The following VPS37A variants were observed in gnomAD, a reference collection of about 807,000 sequenced individuals.
The protein encoded by VPS37A is VPS37A subunit of ESCRT-I.
VPS37A carries 30 observed loss-of-function variants against 49.8 expected under a neutral mutation model. That is an observed-to-expected ratio of 0.60 (90% CI 0.45 to 0.82). VPS37A has a LOEUF of 0.82. Ranked by LOEUF, VPS37A falls within the 40% of genes least tolerant of loss-of-function variation. The pLI is 0.00. For synonymous variants in VPS37A, 195 were observed against 160.6 expected (o/e 1.21, Z -1.62); for missense variants, 593 against 464.4 (o/e 1.28, Z -2.55).
intron 10 of VPS37A, among the ~76,000 whole-genome samples, chr8:17,284,928 T>C (rs1815443621): frequency 6.6e-6 from 1 of 152,088 alleles, no homozygotes; most frequent in African/African-American, 2.4e-5. Flanking sequence ...ACTTGAGATA[T>C]AAATGAGAGT....
downstream of VPS37A, chr8:17,300,356 G>T: frequency 9.9e-7 from 1 of 1,014,288 alleles, no homozygotes; most frequent in South Asian, 1.8e-5. Flanking sequence ...AGGGATGTGA[G>T]TTCAAACCTG....
chr8:17,321,666 T>C, the VPS37A span, among the ~76,000 whole-genome samples: 7 of 152,238 alleles, frequency 4.6e-5, no homozygotes, highest in African/African-American at 7.2e-5. Flanking sequence ...ATTTGTTCAC[T>C]CTTGTTGCCA....
At chr8:17,320,541 T>C in the VPS37A span, among the ~76,000 whole-genome samples, 1 of 151,908 alleles carries the variant, frequency 6.6e-6, no homozygotes, top group African/African-American at 2.4e-5. Context: ...AAGCTGATGA[T>C]CTAGAAGCCA....
At position 17,296,135 on chromosome 8, in the gene VPS37A, TTGTC is replaced by T. The variant is rs1308003047; in HGVS notation, c.*1155_*1158del. On this transcript the variant is annotated 3_prime_UTR_variant, in exon 12 of 12. Transcript: ENST00000324849. ...TCCCAACACCAGCATATAGTATAGA[TTGTC>T]TGTCTTTTTTATATTTTTTAGTTCT... 5 of 152,330 alleles carry T rather than the reference TTGTC, an allele frequency of 3.3e-5. No individual in the cohort carries two copies. The East Asian group carries it at 7.7e-4, about 24-fold the overall frequency. The allele number at this position is 152,330 out of a possible 1,614,324, so 9.4% of individuals were successfully genotyped here. A position where few individuals can be genotyped will look rare whatever the true frequency, so the allele number is the denominator to read the frequency against.
At chr8:17,254,911 A>C (rs560765479) in intron 1 of VPS37A, among the ~76,000 whole-genome samples, 19 of 152,154 alleles carry the variant, frequency 1.2e-4, no homozygotes, top group Non-Finnish European at 2.5e-4. Flanking sequence ...TTCTCCATCT[A>C]TTCTAAGCAC....
chr8:17,300,017 G>A (rs773786079), downstream of VPS37A: 2 of 1,614,154 alleles, frequency 1.2e-6, no homozygotes, highest in Admixed American at 1.7e-5. Flanking sequence ...GAACTTTTCA[G>A]ATTGTCTTGG....
At chr8:17,255,587 G>C (rs1194604784) in intron 1 of VPS37A, among the ~76,000 whole-genome samples, 1 of 152,186 alleles carries the variant, frequency 6.6e-6, no homozygotes, top group Non-Finnish European at 1.5e-5. Flanking sequence ...TTCAGAAATA[G>C]TGCCTCTGTT....
At chr8:17,311,706 C>T in the VPS37A span, 1 of 1,604,672 alleles carries the variant, frequency 6.2e-7, no homozygotes, top group African/African-American at 1.3e-5. Flanking sequence ...TCATCACAGC[C>T]AGGTTTGACT....
chr8:17,284,697 G>C, intron 10 of VPS37A, 81 bp downstream of exon 10: 1 of 1,443,774 alleles, frequency 6.9e-7, no homozygotes, highest in Admixed American at 2.6e-5. Flanking sequence ...CTGGGTGTTA[G>C]CTATTTCTCT....
intron 11 of VPS37A, among the ~76,000 whole-genome samples, chr8:17,293,182 C>T (rs971539727): frequency 8.6e-5 from 13 of 151,766 alleles, no homozygotes; most frequent in South Asian, 2.1e-4. Context: ...CTTGTCTTCA[C>T]GCTTTTTTTC....
At chr8:17,324,049 A>G in the VPS37A span, among the ~76,000 whole-genome samples, 2 of 152,200 alleles carry the variant, frequency 1.3e-5, no homozygotes, top group Non-Finnish European at 2.9e-5. Context: ...TGATAATGTC[A>G]AACGCTTTGG....
At chr8:17,328,307 C>T in the VPS37A span, among the ~76,000 whole-genome samples, 28 of 152,292 alleles carry the variant, frequency 1.8e-4, no homozygotes, top group African/African-American at 6.7e-4. Flanking sequence ...CCTTCCTCTT[C>T]ACCACTTCCT....
At chr8:17,330,585 T>C in the VPS37A span, among the ~76,000 whole-genome samples, 5 of 152,224 alleles carry the variant, frequency 3.3e-5, no homozygotes, top group African/African-American at 1.2e-4. Flanking sequence ...TCCATCTCTT[T>C]AATTTCCTGT....
At chr8:17,304,624 C>T (rs1431872823), downstream of VPS37A, 2 of 1,227,170 alleles carry the variant, frequency 1.6e-6, no homozygotes, top group South Asian at 1.4e-5. Flanking sequence ...TACCTGAAAA[C>T]CACGTGTCTG....
chr8:17,291,212 C>A (rs1047702505), intron 11 of VPS37A, among the ~76,000 whole-genome samples: 13 of 152,076 alleles, frequency 8.5e-5, no homozygotes, highest in African/African-American at 3.1e-4. Flanking sequence ...GGGGTTTCAC[C>A]ATGTTGGCCA....
At chr8:17,262,706 A>C (rs957564095) in intron 1 of VPS37A, among the ~76,000 whole-genome samples, 1 of 152,146 alleles carries the variant, frequency 6.6e-6, no homozygotes, top group Non-Finnish European at 1.5e-5. Context: ...CTAAATATCT[A>C]ATAGTAGAAA....
chr8:17,247,944 T>C (rs997209511), intron 1 of VPS37A: 1 of 597,578 alleles, frequency 1.7e-6, no homozygotes, highest in Admixed American at 3.0e-5. Context: ...CCAGTGCATG[T>C]ACATTTCTCA....
At chr8:17,301,096 T>G (rs770676253), downstream of VPS37A, among the ~76,000 whole-genome samples, 6 of 152,254 alleles carry the variant, frequency 3.9e-5, no homozygotes, top group East Asian at 1.2e-3. Context: ...GGAGGTGTTA[T>G]AAGATCAAGT....
the VPS37A span, among the ~76,000 whole-genome samples, chr8:17,326,078 G>A: frequency 3.9e-5 from 6 of 152,134 alleles, no homozygotes; most frequent in African/African-American, 4.8e-5. Flanking sequence ...TCAAGTTTAC[G>A]CAGAGACTCA....
Sources: gnomAD v4.1 joint callset for allele counts (sites outside exome capture counted in the v4.1 genomes callset) on GRCh38, gnomAD v4.1.1 for gene constraint, MANE v1.5 for transcripts, NCBI Gene and HGNC (gene_info 2026-07-23, HGNC 2026-07-21) for gene names.